EXOC6B: variants seen among roughly 807,000 people sequenced by gnomAD.
EXOC6B encodes the protein exocyst complex component 6B.
Under a neutral mutation model 113.5 loss-of-function variants are expected in EXOC6B, and 54 were observed. The ratio of observed to expected loss-of-function variants is 0.48; its 90% CI spans 0.38 to 0.60. The LOEUF (loss-of-function observed/expected upper bound fraction) is 0.60. EXOC6B is among the 20% of genes least tolerant of loss of function. The pLI is 0.00. For missense variants in EXOC6B, 797 were observed against 977.5 expected, an observed-to-expected ratio of 0.82 and a Z score of 2.46; for synonymous variants, 357 against 339.0, an observed-to-expected ratio of 1.05 and a Z score of -0.58.
chr2:72,644,652 T>C (rs1358382784), intron 6 of EXOC6B, among the ~76,000 whole-genome samples: 1 of 151,968 alleles, frequency 6.6e-6, no homozygotes, highest in Non-Finnish European at 1.5e-5. Flanking sequence ...TTAAAGAAAA[T>C]AATTTTCAAC....
chr2:72,332,052 T>C (rs1688442850), intron 20 of EXOC6B, among the ~76,000 whole-genome samples: 1 of 152,064 alleles, frequency 6.6e-6, no homozygotes, highest in Admixed American at 6.6e-5. Flanking sequence ...TGTGGAAGCA[T>C]GCTCAGAATA....
chr2:72,466,755 G>T (rs2105426909), intron 17 of EXOC6B, among the ~76,000 whole-genome samples: 1 of 152,258 alleles, frequency 6.6e-6, no homozygotes, highest in South Asian at 2.1e-4. Flanking sequence ...TAAGTTGGAT[G>T]CAAAAGAAAC....
intron 20 of EXOC6B, among the ~76,000 whole-genome samples, chr2:72,206,270 GCATC>G (rs952518610): frequency 6.6e-6 from 1 of 152,202 alleles, no homozygotes; most frequent in Non-Finnish European, 1.5e-5. Context: ...CTGATTCAAT[GCATC>G]TTTAAATATG....
At chr2:72,216,532 C>T (rs1229801163) in intron 20 of EXOC6B, among the ~76,000 whole-genome samples, 6 of 152,140 alleles carry the variant, frequency 3.9e-5, no homozygotes, top group African/African-American at 1.2e-4. Flanking sequence ...TACCATTTGA[C>T]CCAGTAATCC....
At chr2:72,615,866 C>T (rs1241487551) in intron 6 of EXOC6B, among the ~76,000 whole-genome samples, 1 of 152,132 alleles carries the variant, frequency 6.6e-6, no homozygotes, top group East Asian at 1.9e-4. Flanking sequence ...TCCTCAAAGA[C>T]CTTCCAGTGA....
intron 1 of EXOC6B, among the ~76,000 whole-genome samples, chr2:72,766,847 G>A (rs1044384897): frequency 1.3e-5 from 2 of 151,420 alleles, no homozygotes; most frequent in Non-Finnish European, 2.9e-5. Context: ...CCAGCTACTC[G>A]GGAGGCTGAG....
At chr2:72,360,279 G>A (rs746957322) in intron 19 of EXOC6B, among the ~76,000 whole-genome samples, 12 of 151,886 alleles carry the variant, frequency 7.9e-5, no homozygotes, top group Non-Finnish European at 1.8e-4. Flanking sequence ...GTAGAGACAG[G>A]GTCTCATCAT....
intron 17 of EXOC6B, among the ~76,000 whole-genome samples, chr2:72,479,711 T>C (rs1379893950): frequency 6.6e-6 from 1 of 152,230 alleles, no homozygotes; most frequent in Non-Finnish European, 1.5e-5. Flanking sequence ...AAGGAGTTTA[T>C]TAAAGCTGCT....
chr2:72,658,341 CA>C (rs1467180112), intron 6 of EXOC6B, among the ~76,000 whole-genome samples: 1 of 112,946 alleles, frequency 8.9e-6, no homozygotes. Context: ...ATGTAACAAC[CA>C]AAAAAAGCTC....
At chr2:72,440,793 A>G (rs1696150881) in intron 18 of EXOC6B, among the ~76,000 whole-genome samples, 1 of 152,214 alleles carries the variant, frequency 6.6e-6, no homozygotes, top group Non-Finnish European at 1.5e-5. Flanking sequence ...CCCATCTTAC[A>G]TGCAGTGTCA....
chr2:72,797,908 C>A (rs1685063363), intron 1 of EXOC6B, among the ~76,000 whole-genome samples: 1 of 151,808 alleles, frequency 6.6e-6, no homozygotes, highest in African/African-American at 2.4e-5. Context: ...ACTAATCACT[C>A]AAAAAAGGGA....
At chr2:72,547,275 G>C (rs1421347402) in intron 8 of EXOC6B, among the ~76,000 whole-genome samples, 2 of 152,150 alleles carry the variant, frequency 1.3e-5, no homozygotes, top group Non-Finnish European at 2.9e-5. Flanking sequence ...AAGTTCTTAT[G>C]ATTCATATAA....
chr2:72,390,238 C>T (rs1692287155), intron 18 of EXOC6B, among the ~76,000 whole-genome samples: 1 of 152,122 alleles, frequency 6.6e-6, no homozygotes, highest in Non-Finnish European at 1.5e-5. Context: ...TTAGATATTA[C>T]ATTTTTGTTA....
intron 2 of EXOC6B, among the ~76,000 whole-genome samples, chr2:72,733,551 T>C (rs866649103): frequency 6.6e-6 from 1 of 152,190 alleles, no homozygotes; most frequent in African/African-American, 2.4e-5. Flanking sequence ...TTGCTTATTA[T>C]CTTATTTTTA....
chr2:72,206,108 G>T (rs1042639225), intron 20 of EXOC6B, among the ~76,000 whole-genome samples: 2 of 152,152 alleles, frequency 1.3e-5, no homozygotes, highest in African/African-American at 4.8e-5. Context: ...TGCATTATTG[G>T]TACAGTCTCA....
chr2:72,678,576 C>T (rs1193426409), intron 6 of EXOC6B, among the ~76,000 whole-genome samples: 1 of 152,120 alleles, frequency 6.6e-6, no homozygotes, highest in Non-Finnish European at 1.5e-5. Context: ...TATGCTTGCA[C>T]ACAACTGTTG....
At chr2:72,218,803 C>T (rs566695230) in intron 20 of EXOC6B, among the ~76,000 whole-genome samples, 181 of 152,162 alleles carry the variant, frequency 1.2e-3, no homozygotes, top group African/African-American at 3.7e-3. Context: ...GCTGGGATTA[C>T]AGGCACGTGC....
chr2:72,811,918 C>T (rs543838233), intron 1 of EXOC6B, among the ~76,000 whole-genome samples: 6 of 152,086 alleles, frequency 3.9e-5, no homozygotes, highest in Admixed American at 3.9e-4. Flanking sequence ...AGAGCATCCA[C>T]AAAAAAACCT....
At chr2:72,598,375 A>T (rs747347463) in intron 6 of EXOC6B, among the ~76,000 whole-genome samples, 8 of 152,046 alleles carry the variant, frequency 5.3e-5, no homozygotes, top group Non-Finnish European at 1.2e-4. Context: ...ATAAAACCTA[A>T]AAAACAACTA....
Sources: gnomAD v4.1 joint callset for allele counts (sites outside exome capture counted in the v4.1 genomes callset) on GRCh38, gnomAD v4.1.1 for gene constraint, MANE v1.5 for transcripts, NCBI Gene and HGNC (gene_info 2026-07-23, HGNC 2026-07-21) for gene names.